Variants in LRRK1 observed in about 807,000 individuals in gnomAD.
LRRK1 encodes the protein leucine-rich repeat serine/threonine-protein kinase 1.
A neutral mutation model predicts 209.1 loss-of-function variants in LRRK1; 113 were observed. That is an observed-to-expected ratio of 0.54 (90% CI 0.46 to 0.63). LRRK1 has a LOEUF of 0.63. Ranked by LOEUF, LRRK1 falls within the 30% of genes least tolerant of loss-of-function variation. The probability of loss-of-function intolerance (pLI) is 0.00; values close to 1 mark genes in which losing one functional copy is unlikely to be tolerated. For missense variants in LRRK1, 2,284 were observed against 2,632.2 expected, an observed-to-expected ratio of 0.87 and a Z score of 2.89; for synonymous variants, 1,144 against 1,099.7, an observed-to-expected ratio of 1.04 and a Z score of -0.80.
In LRRK1 at chr15:101,045,340, G is replaced by A. The variant is rs532284480; in HGVS notation, c.2964-641G>A. Among the ~76,000 whole-genome samples the A allele has an allele frequency of 5.3e-5, 8 of 152,348 alleles. No homozygotes were observed. The East Asian group carries it at 1.5e-3, about 29-fold the overall frequency. On this transcript the variant is annotated intron_variant, in intron 20 of 33. Coordinates refer to ENST00000388948, the MANE Select transcript of LRRK1 (RefSeq NM_024652.6). ...AGCCCCACAGGATGCAGCCGTTGCT[G>A]GTTTTCGGGCACCCTTTTGGAGGGA...
intron 6 of LRRK1, among the ~76,000 whole-genome samples, chr15:100,996,297 C>T (rs1361719731): frequency 6.6e-6 from 1 of 152,230 alleles, no homozygotes; most frequent in African/African-American, 2.4e-5. Flanking sequence ...CTGTAGGAGC[C>T]AACGTGGGCA....
intron 20 of LRRK1, among the ~76,000 whole-genome samples, chr15:101,039,115 T>A (rs1449214618): frequency 6.6e-6 from 1 of 152,252 alleles, no homozygotes; most frequent in Non-Finnish European, 1.5e-5. Context: ...CCTTTGCATT[T>A]TCATCTAAAT....
rs757278413 is a variant in LRRK1, at chr15:101,054,905, C to G, written c.4055-41C>G. 6.6e-6 allele frequency: 10 copies of G among 1,506,826 alleles called. No individual in the cohort carries two copies. In the East Asian group the frequency reaches 2.3e-4, roughly 34 times the overall value. The allele number at this position is 1,506,826 out of a possible 1,614,324, so 93.3% of individuals were successfully genotyped here. A position where few individuals can be genotyped will look rare whatever the true frequency, so the allele number is the denominator to read the frequency against. On this transcript the variant is annotated intron_variant, in intron 26 of 33. Coordinates refer to ENST00000388948, the MANE Select transcript of LRRK1 (RefSeq NM_024652.6). ...TCATGATAATTTGATTCTATCAAAA[C>G]TGAAATTTTGATACATTTGAAAATT...
intron 3 of LRRK1, among the ~76,000 whole-genome samples, chr15:100,979,357 G>A (rs1181743879): frequency 6.6e-6 from 1 of 152,108 alleles, no homozygotes; most frequent in Non-Finnish European, 1.5e-5. Flanking sequence ...AATACTGCAA[G>A]TTCTATTCAA....
chr15:101,066,839 T>C (rs967121629), intron 33 of LRRK1, 98 bp downstream of exon 33: 34 of 1,055,014 alleles, frequency 3.2e-5, no homozygotes, highest in South Asian at 2.7e-4. Flanking sequence ...TGCCCTTCCA[T>C]TCTCCCAAAT....
chr15:100,938,531 C>T (rs1043657906), intron 2 of LRRK1, among the ~76,000 whole-genome samples: 5 of 152,110 alleles, frequency 3.3e-5, no homozygotes, highest in Non-Finnish European at 7.4e-5. Flanking sequence ...CTGGAACTTA[C>T]TCCTCCCATG....
At chr15:101,028,242 G>T (rs1192646719) in intron 19 of LRRK1, among the ~76,000 whole-genome samples, 1 of 152,246 alleles carries the variant, frequency 6.6e-6, no homozygotes, top group Non-Finnish European at 1.5e-5. Flanking sequence ...CAGCCCGTCA[G>T]TACAGAACCT....
rs1567191056 is a variant in LRRK1 at position 100,941,426 on chromosome 15, G to GTGTC, written c.97+16698_97+16699insGTCT. On this transcript the variant is annotated intron_variant, in intron 2 of 33. Transcript: ENST00000388948. ...TGTGTGTGTCTCTGTGTGTGTGTGT[G>GTGTC]TCTGTGTGTGTGTGTGTGTCTGTGT... Among the ~76,000 whole-genome samples the GTGTC allele has an allele frequency of 2.3e-3, 37 of 16,104 alleles. 8 individuals are homozygous for GTGTC. The highest frequency in any genetic ancestry group is 4.9e-3 in the African/African-American group (32 of 6,564). The allele number at this position is 16,104 out of a possible 152,430, so 10.6% of individuals were successfully genotyped here. A position where few individuals can be genotyped will look rare whatever the true frequency, so the allele number is the denominator to read the frequency against.
At chr15:101,059,628 TGTAAAGTCGG>T (rs375319200) in intron 29 of LRRK1, among the ~76,000 whole-genome samples, 1,659 of 152,144 alleles carry the variant, frequency 0.011, 25 homozygotes, top group African/African-American at 0.038. Context: ...GGGAAAGAGA[TGTAAAGTCGG>T]GTAAGTAAAA....
chr15:100,940,904 T>C lies in LRRK1; in HGVS notation c.97+16175T>C, dbSNP rs147423153. 2.1e-3 allele frequency among the ~76,000 whole-genome samples: 315 copies of C among 152,346 alleles called. 3 individuals carry two copies. Among genetic ancestry groups the C allele is most frequent in the African/African-American group, 6.5e-3 (272 of 41,580 alleles). On this transcript the variant is annotated intron_variant, in intron 2 of 33. Coordinates refer to ENST00000388948, the MANE Select transcript of LRRK1 (RefSeq NM_024652.6). ...TTTGCCCCGAACAGTAATGTGAGGA[T>C]GCAGCAAGATGTGCAGGCCCTCTGA... is the stretch of plus-strand genomic sequence containing the variant.
intron 20 of LRRK1, among the ~76,000 whole-genome samples, chr15:101,037,439 A>G (rs1201359901): frequency 2.0e-5 from 3 of 152,122 alleles, no homozygotes; most frequent in African/African-American, 4.8e-5. Context: ...CACAGGGGCC[A>G]GGGGACATGA....
Position 101,054,953 on chromosome 15 carries a change from C to T in LRRK1, c.4062C>T (p.Ser1354=). ...TVLSENARDS[S]FIPLGHMLTQ... is the part of the protein sequence containing the mutation. ...ATTGTTTTTCTTTGCAAGATTCTTC[C>T]TTTATACCCCTGGGACACATGCTCA... Residue 1354 remains serine, a synonymous_variant, in exon 27 of 34, where the codon TCC becomes TCT. Coordinates refer to ENST00000388948, the MANE Select transcript of LRRK1 (RefSeq NM_024652.6). 1.0e-5 allele frequency: 16 copies of T among 1,585,414 alleles called. No individual in the cohort carries two copies. The highest frequency in any genetic ancestry group is 3.5e-5 in the South Asian group (3 of 86,588).
intron 6 of LRRK1, among the ~76,000 whole-genome samples, chr15:100,989,906 T>C (rs926426334): frequency 6.6e-6 from 1 of 152,116 alleles, no homozygotes; most frequent in Non-Finnish European, 1.5e-5. Context: ...GTTAAATATA[T>C]CATATTTAAC....
At chr15:100,932,748 C>A (rs2042233741) in intron 2 of LRRK1, among the ~76,000 whole-genome samples, 1 of 152,192 alleles carries the variant, frequency 6.6e-6, no homozygotes, top group African/African-American at 2.4e-5. Flanking sequence ...AAAGAAGATG[C>A]CTGCACCTCT....
intron 12 of LRRK1, among the ~76,000 whole-genome samples, chr15:101,016,127 T>C (rs937899295): frequency 6.6e-6 from 1 of 152,002 alleles, no homozygotes; most frequent in African/African-American, 2.4e-5. Context: ...GTAGCTGGGA[T>C]TACAGGCATG....
chr15:101,010,342 A>G (rs964803325), intron 7 of LRRK1, 108 bp from the exon 8 acceptor site: 1 of 1,205,220 alleles, frequency 8.3e-7, no homozygotes, highest in African/African-American at 1.5e-5. Context: ...TTAACCTTGC[A>G]TGGGGAGAAA....
chr15:101,029,100 C>T lies in LRRK1; in HGVS notation c.2831C>T (p.Ala944Val). 1 of 1,614,134 alleles carries T rather than the reference C, an allele frequency of 6.2e-7. No homozygotes were observed. Among genetic ancestry groups the T allele is most frequent in the Non-Finnish European group, 8.5e-7 (1 of 1,180,024 alleles). Residue 944 changes from alanine (A) to valine (V), a missense_variant, in exon 20 of 34, where the codon GCC (alanine) becomes GTC (valine). Ala to Val is a moderately conservative substitution (Grantham distance 64). Around this residue, in one of 6 missense-constraint regions of LRRK1, gnomAD observed 780 missense variants for 985.2 expected, o/e 0.79. Transcript: ENST00000388948. Reference sequence around the variant, plus strand: ...AATATTAAGGGCTCTCGGTCAGTGGCCAAGAATGGGGTGATCAGAGCAGAA... The same window carrying T: ...AATATTAAGGGCTCTCGGTCAGTGGTCAAGAATGGGGTGATCAGAGCAGAA... Reference protein sequence around the residue: ...IFNIKGSRSVAKNGVIRAEDL... With the variant: ...IFNIKGSRSVVKNGVIRAEDL...
At chr15:101,035,285 G>T (rs575296662) in intron 20 of LRRK1, among the ~76,000 whole-genome samples, 94 of 152,076 alleles carry the variant, frequency 6.2e-4, no homozygotes, top group African/African-American at 2.2e-3. Context: ...TATAGTATTA[G>T]AATATATCTC....
chr15:100,991,293 C>T (rs1158326406), intron 6 of LRRK1, among the ~76,000 whole-genome samples: 1 of 152,154 alleles, frequency 6.6e-6, no homozygotes, highest in East Asian at 1.9e-4. Context: ...TAGTTTTTTT[C>T]AAAGATATCT....
Sources: gnomAD v4.1 joint callset for allele counts (sites outside exome capture counted in the v4.1 genomes callset) on GRCh38, gnomAD v4.1.1 for gene constraint, gnomAD v4.1.1 regional missense constraint, MANE v1.5 for transcripts, NCBI Gene and HGNC (gene_info 2026-07-23, HGNC 2026-07-21) for gene names.